The following PGD variants were observed in gnomAD, a reference collection of about 807,000 sequenced individuals.
PGD encodes the protein phosphogluconate dehydrogenase.
A neutral mutation model predicts 60.4 loss-of-function variants in PGD; 21 were observed. The observed-to-expected ratio is 0.35, with a 90% CI of 0.25 to 0.50. The LOEUF is 0.50. PGD is among the 20% of genes least tolerant of loss of function. The pLI is 0.98. For synonymous variants in PGD, 230 were observed against 235.9 expected, an observed-to-expected ratio of 0.97 and a Z score of 0.23; for missense variants, 477 against 613.1, an observed-to-expected ratio of 0.78 and a Z score of 2.34.
intron 4 of PGD, 98 bp from the exon 5 acceptor site, chr1:10,404,063 C>A: frequency 1.2e-6 from 1 of 814,856 alleles, no homozygotes. Context: ...TCTTATACTT[C>A]CTCTCATTTA....
intron 1 of PGD, 133 bp from the exon 2 acceptor site, chr1:10,399,496 C>G: frequency 4.8e-6 from 4 of 827,380 alleles, no homozygotes; most frequent in South Asian, 4.8e-5. Context: ...CGCCCGGCTT[C>G]TGGGGGCCCG....
chr1:10,413,828 C>T (rs1486576196), intron 8 of PGD, among the ~76,000 whole-genome samples: 1 of 152,002 alleles, frequency 6.6e-6, no homozygotes, highest in Non-Finnish European at 1.5e-5. Flanking sequence ...TTGCTTGAAC[C>T]TGGGAGGCAG....
chr1:10,411,266 C>A (rs1569984023), intron 6 of PGD, 152 bp from the exon 7 acceptor site: 1 of 727,670 alleles, frequency 1.4e-6, no homozygotes, highest in Non-Finnish European at 2.3e-6. Context: ...CTATATGATT[C>A]TTGTATCAAA....
rs1639661917 is a variant in PGD, at chr1:10,419,848, T to G, written c.*99T>G. On this transcript the variant is annotated 3_prime_UTR_variant, in exon 13 of 13. Coordinates refer to ENST00000270776, the MANE Select transcript of PGD (RefSeq NM_002631.4). ...GCCCTTTGCCCTATTTTCTGTTCAGTTTTTTAAAAGTGTTGTAAGAGACTC... is the reference window on the plus strand; with the variant it reads ...GCCCTTTGCCCTATTTTCTGTTCAGGTTTTTAAAAGTGTTGTAAGAGACTC... 9.0e-6 allele frequency: 13 copies of G among 1,438,956 alleles called. No homozygotes were observed. In the South Asian group the frequency reaches 1.6e-4, roughly 18 times the overall value. 89.1% of individuals were successfully genotyped at this position (1,438,956 alleles called of 1,614,324 possible). A position where few individuals can be genotyped will look rare whatever the true frequency, so the allele number is the denominator to read the frequency against.
intron 9 of PGD, 113 bp from the exon 10 acceptor site, chr1:10,417,263 C>G: frequency 7.0e-7 from 1 of 1,431,556 alleles, no homozygotes; most frequent in East Asian, 2.3e-5. Context: ...ACAATGTTTT[C>G]CTAGAATATT....
chr1:10,409,627 C>A (rs1037484891), intron 6 of PGD, among the ~76,000 whole-genome samples: 5 of 134,532 alleles, frequency 3.7e-5, no homozygotes, highest in Admixed American at 1.6e-4. Context: ...AAGATCACTG[C>A]AATAAAAGTG....
At chr1:10,413,398 T>A in intron 8 of PGD, 147 bp downstream of exon 8, 1 of 642,934 alleles carries the variant, frequency 1.6e-6, no homozygotes, top group Non-Finnish European at 2.6e-6. Flanking sequence ...TTGAAGAAAC[T>A]GACAGTGTGA....
At position 10,409,048 on chromosome 1, in the gene PGD, G is replaced by A. The variant is rs552098553; in HGVS notation, c.519+908G>A. On this transcript the variant is annotated intron_variant, in intron 6 of 12. Transcript: ENST00000270776. ...TTAACTGTGACATCAGGCAAGCCAC[G>A]TCCCTTCATGGACTTCAGTTTCCTT... 5.8e-3 allele frequency among the ~76,000 whole-genome samples: 887 copies of A among 152,314 alleles called. 2 individuals carry two copies. The highest frequency in any genetic ancestry group is 8.1e-3 in the Non-Finnish European group (549 of 68,024).
At chr1:10,415,637 G>GA (rs1384799601) in intron 8 of PGD, among the ~76,000 whole-genome samples, 3 of 152,218 alleles carry the variant, frequency 2.0e-5, no homozygotes, top group African/African-American at 7.2e-5. Flanking sequence ...GGCCAGGAGA[G>GA]AGGTAGCTGC....
chr1:10,408,107 A>G lies in PGD; in HGVS notation c.486A>G (p.Ala162=). 6.2e-7 allele frequency: 1 copy of G among 1,608,052 alleles called. No homozygotes were observed. Among genetic ancestry groups the G allele is most frequent in the South Asian group, 1.1e-5 (1 of 90,988 alleles). Residue 162 remains alanine, a synonymous_variant, in exon 6 of 13, where the codon GCA becomes GCG. Transcript: ENST00000270776. ...AGACCATCTTCCAAGGCATTGCTGC[A>G]AAAGTGGGAACTGGAGAACCCTGCT... ...HIKTIFQGIA[A]KVGTGEPCCD... is the part of the protein sequence containing the mutation.
At chr1:10,412,366 A>T (rs1201695616) in intron 7 of PGD, among the ~76,000 whole-genome samples, 2 of 152,218 alleles carry the variant, frequency 1.3e-5, no homozygotes, top group African/African-American at 4.8e-5. Flanking sequence ...TACAGACTCT[A>T]GCAAGGCATA....
intron 8 of PGD, among the ~76,000 whole-genome samples, chr1:10,413,910 A>G (rs1262021765): frequency 1.3e-5 from 2 of 151,860 alleles, no homozygotes; most frequent in Admixed American, 1.3e-4. Context: ...GTCTCAAAAA[A>G]AAAAAAAAAT....
At chr1:10,411,374 C>T (rs200308447) in intron 6 of PGD, 44 bp from the exon 7 acceptor site, 159 of 1,609,222 alleles carry the variant, frequency 9.9e-5, no homozygotes, top group Admixed American at 2.5e-4. Context: ...TCTGATGTGT[C>T]GCCTGTTTCT....
At chr1:10,408,591 G>A (rs1639446882) in intron 6 of PGD, among the ~76,000 whole-genome samples, 2 of 152,142 alleles carry the variant, frequency 1.3e-5, no homozygotes, top group African/African-American at 4.8e-5. Flanking sequence ...CAGGCATTCT[G>A]TGCTTGAACA....
rs148471245 is a variant in PGD at position 10,411,138 on chromosome 1, A to G, written c.520-280A>G. On this transcript the variant is annotated intron_variant, in intron 6 of 12. Coordinates refer to ENST00000270776, the MANE Select transcript of PGD (RefSeq NM_002631.4). ...AATGATGAGAAAGAGTAGAAAATAC[A>G]GGCTAGAGAGCCATAAGTATTGAAA... Among the ~76,000 whole-genome samples, 3 of 152,288 alleles carry G rather than the reference A, an allele frequency of 2.0e-5. No homozygotes were observed. The East Asian group carries it at 5.8e-4, about 29-fold the overall frequency.
intron 7 of PGD, among the ~76,000 whole-genome samples, chr1:10,412,559 A>G (rs917917388): frequency 6.6e-6 from 1 of 152,218 alleles, no homozygotes; most frequent in Admixed American, 6.5e-5. Flanking sequence ...ATTGGTATAT[A>G]TAATACTTAA....
At position 10,399,110 on chromosome 1, in the gene PGD, C is replaced by T. The variant is rs1314561428; in HGVS notation, c.-8C>T. 2.5e-6 allele frequency: 4 copies of T among 1,609,862 alleles called. No homozygotes were observed. The highest frequency in any genetic ancestry group is 2.7e-5 in the African/African-American group (2 of 75,018). ...TCGCCGCTCTTCGGTTCTGCTCTGT[C>T]CGCCGCCATGGCCCAGTGAGTGACT... is the stretch of plus-strand genomic sequence containing the variant. On this transcript the variant is annotated 5_prime_UTR_variant, in exon 1 of 13. Coordinates refer to ENST00000270776, the MANE Select transcript of PGD (RefSeq NM_002631.4).
intron 5 of PGD, among the ~76,000 whole-genome samples, chr1:10,406,345 T>C (rs1474746992): frequency 6.6e-6 from 1 of 151,850 alleles, no homozygotes; most frequent in African/African-American, 2.4e-5. Flanking sequence ...AGCCCAGGTG[T>C]TCAAGGCCAG....
intron 7 of PGD, 54 bp downstream of exon 7, chr1:10,411,606 C>A (rs774608735): frequency 1.7e-4 from 271 of 1,604,698 alleles, no homozygotes; most frequent in Non-Finnish European, 2.1e-4. Context: ...CTCACTTTGC[C>A]ACAGACACCG....
Sources: allele counts gnomAD v4.1 joint callset (sites outside exome capture counted in the v4.1 genomes callset), GRCh38; gene constraint gnomAD v4.1.1; transcripts MANE v1.5; gene names NCBI Gene and HGNC (gene_info 2026-07-23, HGNC 2026-07-21).